DNAJC13: variants seen among roughly 807,000 people sequenced by gnomAD.
DNAJC13 encodes the protein dnaJ homolog subfamily C member 13.
DNAJC13 carries 75 observed loss-of-function variants against 290.5 expected under a neutral mutation model. That is an observed-to-expected ratio of 0.26 (90% CI 0.21 to 0.31). The LOEUF is 0.31. Ranked by LOEUF, DNAJC13 falls within the 10% of genes least tolerant of loss-of-function variation. DNAJC13 has a pLI of 1.00. For missense variants in DNAJC13, 2,260 were observed against 2,674.5 expected, an observed-to-expected ratio of 0.85 and a Z score of 3.42; for synonymous variants, 862 against 892.0, an observed-to-expected ratio of 0.97 and a Z score of 0.60.
In DNAJC13 at chr3:132,494,182, A is replaced by G. The variant is rs141219538; in HGVS notation, c.3864A>G (p.Lys1288=). The G allele has an allele frequency of 4.4e-5, 71 of 1,612,764 alleles. No homozygotes were observed. The African/African-American group carries it at 8.4e-4, about 19-fold the overall frequency. Residue 1288 remains lysine (K), a synonymous_variant, in exon 34 of 56, where the codon AAA becomes AAG. Transcript: ENST00000260818. ...LLKDTLDAWK[K]EVEKKPPMMS... ...AAGATACCCTTGATGCCTGGAAGAA[A>G]GAAGTAGAAAAGAAGCCACCTATGA...
At chr3:132,536,379 C>A (rs1236191891) in intron 55 of DNAJC13, among the ~76,000 whole-genome samples, 2 of 152,012 alleles carry the variant, frequency 1.3e-5, no homozygotes, top group African/African-American at 4.8e-5. Context: ...CATAGTGAGA[C>A]CCCCATCTGT....
Position 132,522,676 on chromosome 3 carries a change from C to A in DNAJC13, c.5674-152C>A. ...TACCTTTGCATAAACCGAGGATTAT[C>A]TTTTTCACTCCAGAACTTTTAGGTA... On this transcript the variant is annotated intron_variant, in intron 48 of 55. Coordinates refer to ENST00000260818, the MANE Select transcript of DNAJC13 (RefSeq NM_015268.4). 5 of 611,448 alleles carry A rather than the reference C, an allele frequency of 8.2e-6. No homozygotes were observed. In the South Asian group the frequency reaches 1.3e-4, roughly 16 times the overall value. The allele number at this position is 611,448 out of a possible 1,614,324, so 37.9% of individuals were successfully genotyped here.
intron 13 of DNAJC13, chr3:132,458,222 A>G (rs1014339350): frequency 2.0e-5 from 3 of 152,196 alleles, no homozygotes; most frequent in Non-Finnish European, 4.4e-5. Flanking sequence ...TGTTTAGTAC[A>G]GTTTTGAAGT....
At chr3:132,490,567 G>A (rs1022061688) in intron 31 of DNAJC13, among the ~76,000 whole-genome samples, 1 of 152,104 alleles carries the variant, frequency 6.6e-6, no homozygotes, top group Non-Finnish European at 1.5e-5. Flanking sequence ...AAATCTTCTT[G>A]GGATATTCCT....
intron 2 of DNAJC13, among the ~76,000 whole-genome samples, chr3:132,440,681 A>C (rs1933036951): frequency 6.6e-6 from 1 of 152,266 alleles, no homozygotes; most frequent in Non-Finnish European, 1.5e-5. Flanking sequence ...GTGTAAGTAC[A>C]AAACTAGTAA....
At chr3:132,445,420 G>A (rs1933213932) in intron 2 of DNAJC13, among the ~76,000 whole-genome samples, 1 of 151,936 alleles carries the variant, frequency 6.6e-6, no homozygotes, top group Non-Finnish European at 1.5e-5. Flanking sequence ...AAATAGATTG[G>A]TGGGTTTTTT....
intron 33 of DNAJC13, among the ~76,000 whole-genome samples, chr3:132,493,129 A>G (rs917098707): frequency 7.2e-5 from 11 of 152,054 alleles, no homozygotes; most frequent in African/African-American, 2.7e-4. Flanking sequence ...AAGAATTCAC[A>G]TAAGCATAAT....
intron 43 of DNAJC13, among the ~76,000 whole-genome samples, chr3:132,508,818 G>T (rs182541294): frequency 9.0e-4 from 137 of 152,284 alleles, no homozygotes; most frequent in Non-Finnish European, 1.4e-3. Flanking sequence ...ATAAATGGAA[G>T]AACAAAGCCT....
chr3:132,499,839 T>C lies in DNAJC13; in HGVS notation c.4416+31T>C, dbSNP rs756218074. 9.5e-6 allele frequency: 15 copies of C among 1,586,514 alleles called. No individual in the cohort carries two copies. In the African/African-American group the frequency reaches 1.5e-4, roughly 16 times the overall value. On this transcript the variant is annotated intron_variant, in intron 38 of 55. Coordinates refer to ENST00000260818, the MANE Select transcript of DNAJC13 (RefSeq NM_015268.4). ...GCTAAAACCTGTGGTTCCAAGAAAA[T>C]TGCACTAGTTCAATGGTTCAGACTT...
In DNAJC13 at chr3:132,538,224, T is replaced by C. The variant is rs1330520231; in HGVS notation, c.6674T>C (p.Met2225Thr). ...ACCGCAGGTACATCTACATCAGTCA[T>C]GTCTAACCTGCCACCTCCTGTAGAC... ...YLTAGTSTSV[M>T]SNLPPPVDHE... The change falls in exon 56 of 56, where the codon ATG becomes ACG. Residue 2225 changes from methionine (M) to threonine (T), a missense_variant. Met to Thr is a moderately conservative substitution (Grantham distance 81). This residue lies in a region of DNAJC13 where 1,494 missense variants were observed against 1,693.7 expected (regional missense o/e 0.88). Coordinates refer to ENST00000260818, the MANE Select transcript of DNAJC13 (RefSeq NM_015268.4). 1.9e-6 allele frequency: 3 copies of C among 1,613,864 alleles called. No individual in the cohort carries two copies. The highest frequency in any genetic ancestry group is 2.5e-6 in the Non-Finnish European group (3 of 1,179,984).
intron 29 of DNAJC13, among the ~76,000 whole-genome samples, chr3:132,487,579 T>C (rs899741280): frequency 6.6e-6 from 1 of 150,444 alleles, no homozygotes; most frequent in Non-Finnish European, 1.5e-5. Context: ...TTTTTTTTTT[T>C]ACTGGGAGCA....
intron 39 of DNAJC13, among the ~76,000 whole-genome samples, chr3:132,501,615 C>G (rs532786049): frequency 4.6e-5 from 7 of 151,286 alleles, no homozygotes; most frequent in African/African-American, 1.7e-4. Flanking sequence ...AACCTGAAAA[C>G]TAGAGAGTTC....
intron 20 of DNAJC13, among the ~76,000 whole-genome samples, chr3:132,472,096 C>T (rs991773911): frequency 2.0e-5 from 3 of 149,754 alleles, no homozygotes; most frequent in South Asian, 2.2e-4. Context: ...ACCAGTCAGG[C>T]GTGGCGGCGC....
At chr3:132,529,631 CA>C (rs1936355808) in intron 54 of DNAJC13, among the ~76,000 whole-genome samples, 1 of 151,874 alleles carries the variant, frequency 6.6e-6, no homozygotes. Context: ...ACTAAAAATA[CA>C]AAAAATTAGC....
intron 1 of DNAJC13, among the ~76,000 whole-genome samples, chr3:132,428,296 A>G (rs1939157671): frequency 6.6e-6 from 1 of 152,230 alleles, no homozygotes; most frequent in African/African-American, 2.4e-5. Context: ...GAGTTAATGC[A>G]GTTTCCAGAC....
At chr3:132,492,340 C>G (rs1352603209) in intron 32 of DNAJC13, 74 bp from the exon 33 acceptor site, 44 of 1,421,478 alleles carry the variant, frequency 3.1e-5, no homozygotes, top group Non-Finnish European at 3.9e-5. Flanking sequence ...AACTATCTTA[C>G]ATGATTATGT....
chr3:132,474,416 A>G (rs1254621274), intron 21 of DNAJC13: 1 of 151,904 alleles, frequency 6.6e-6, no homozygotes, highest in African/African-American at 2.4e-5. Flanking sequence ...AATTTTTTGT[A>G]TTTTTAGTAG....
chr3:132,510,935 C>T (rs560505654), intron 43 of DNAJC13, 132 bp from the exon 44 acceptor site: 1 of 939,418 alleles, frequency 1.1e-6, no homozygotes, highest in Admixed American at 2.3e-5. Context: ...CCCTATAGTG[C>T]ATAGGTGTAT....
chr3:132,525,835 T>A, intron 52 of DNAJC13, 46 bp downstream of exon 52: 1 of 1,577,942 alleles, frequency 6.3e-7, no homozygotes, highest in Non-Finnish European at 8.6e-7. Context: ...AGAATTTATC[T>A]ATGCTCCCTT....
Sources: allele counts gnomAD v4.1 joint callset (sites outside exome capture counted in the v4.1 genomes callset), GRCh38; gene constraint gnomAD v4.1.1; regional missense constraint gnomAD v4.1.1; transcripts MANE v1.5; gene names NCBI Gene and HGNC (gene_info 2026-07-23, HGNC 2026-07-21).